HEXA: variants seen among roughly 807,000 people sequenced by gnomAD.
HEXA encodes the protein beta-hexosaminidase subunit alpha.
HEXA carries 54 observed loss-of-function variants against 73.3 expected under a neutral mutation model. That is an observed-to-expected ratio of 0.74 (90% CI 0.59 to 0.92). The LOEUF (loss-of-function observed/expected upper bound fraction) is 0.92, where lower values mean the gene tolerates loss of function less well. Ranked by LOEUF, HEXA falls within the 40% of genes least tolerant of loss-of-function variation. The pLI is 0.00. For missense variants in HEXA, 649 were observed against 653.0 expected, an observed-to-expected ratio of 0.99 and a Z score of 0.07; for synonymous variants, 230 against 246.9, an observed-to-expected ratio of 0.93 and a Z score of 0.64.
intron 1 of HEXA, among the ~76,000 whole-genome samples, chr15:72,374,494 T>C (rs890311879): frequency 3.9e-5 from 6 of 152,196 alleles, no homozygotes; most frequent in African/African-American, 1.4e-4. Context: ...ATTCTATATA[T>C]CAAATGATAA....
At position 72,345,463 on chromosome 15, in the gene HEXA, G is replaced by C. The variant is rs1248458266; in HGVS notation, c.1509C>G (p.Phe503Leu). 1.9e-6 allele frequency: 3 copies of C among 1,614,214 alleles called. No individual in the cohort carries two copies. The highest frequency in any genetic ancestry group is 1.7e-5 in the Admixed American group (1 of 60,012). The change falls in exon 13 of 14, where the codon TTC becomes TTG. Residue 503 changes from phenylalanine to leucine, a missense_variant. Phe to Leu is a conservative substitution (Grantham distance 22). Transcript: ENST00000268097. Reference protein sequence around the residue: ...LTFAYERLSHFRCELLRRGVQ... With the variant: ...LTFAYERLSHLRCELLRRGVQ... ...TTGCTTACCTCAGCAATTCACAGCG[G>C]AAGTGTGACAAACGTTCATAGGCAA... is the stretch of plus-strand genomic sequence containing the variant.
At chr15:72,348,628 C>T (rs1327059314) in intron 8 of HEXA, among the ~76,000 whole-genome samples, 2 of 152,212 alleles carry the variant, frequency 1.3e-5, no homozygotes, top group African/African-American at 2.4e-5. Flanking sequence ...TCAGCTCTAG[C>T]GCCCTCTTCT....
At chr15:72,354,053 G>A (rs1251999553) in intron 3 of HEXA, 5 of 452,216 alleles carry the variant, frequency 1.1e-5, no homozygotes, top group African/African-American at 7.9e-5. Context: ...GAGAAGAGAG[G>A]CCAAGACATA....
chr15:72,362,144 T>A (rs898756747), intron 1 of HEXA, among the ~76,000 whole-genome samples: 6 of 152,126 alleles, frequency 3.9e-5, no homozygotes, highest in Non-Finnish European at 7.3e-5. Flanking sequence ...AAATGCCATA[T>A]TTTCTCCATA....
rs766483588 is a variant in HEXA at position 72,345,524 on chromosome 15, C to T, written c.1448G>A (p.Arg483Lys). 2.5e-6 allele frequency: 4 copies of T among 1,614,122 alleles called. No homozygotes were observed. The African/African-American group carries it at 5.3e-5, about 22-fold the overall frequency. The change falls in exon 13 of 14, where the codon AGG becomes AAG. Residue 483 changes from arginine (R) to lysine (K), a missense_variant. By Grantham distance (26) the Arg-to-Lys change is conservative. Coordinates refer to ENST00000268097, the MANE Select transcript of HEXA (RefSeq NM_000520.6). ...LWPRAGAVAE[R>K]LWSNKLTSDL... ...AGATGTCAACTTGTTGCTCCACAGC[C>T]TTTCGGCAACAGCCCCTGCTCTGGG...
Position 72,348,127 on chromosome 15 carries a change from T to G in HEXA, c.994A>C (p.Asn332His). ...CTCATAAAGTCCTGGATCTCTGGGT[T>G]GGACTTCCTGAATCCCAAGAGAAAA... is the stretch of plus-strand genomic sequence containing the variant. ...DEVDFTCWKS[N>H]PEIQDFMRKK... The change falls in exon 9 of 14, where the codon AAC (asparagine) becomes CAC (histidine). Residue 332 changes from asparagine (N) to histidine (H), a missense_variant. Physicochemically the swap from Asn to His is moderately conservative, Grantham distance 68. Coordinates refer to ENST00000268097, the MANE Select transcript of HEXA (RefSeq NM_000520.6). 1 of 1,609,670 alleles carries G rather than the reference T, an allele frequency of 6.2e-7. No individual in the cohort carries two copies. Among genetic ancestry groups the G allele is most frequent in the Non-Finnish European group, 8.5e-7 (1 of 1,175,896 alleles).
chr15:72,364,702 C>T (rs988039640), intron 1 of HEXA, among the ~76,000 whole-genome samples: 1 of 152,112 alleles, frequency 6.6e-6, no homozygotes, highest in Non-Finnish European at 1.5e-5. Flanking sequence ...GCCCATCTCT[C>T]CACATCTTTC....
At chr15:72,370,115 A>AAC (rs1419412873) in intron 1 of HEXA, 4 of 151,076 alleles carry the variant, frequency 2.6e-5, no homozygotes, top group Admixed American at 2.6e-4. Flanking sequence ...AAAAAAAAAA[A>AAC]AGGAAGTAGC....
rs2140324174 is a variant in HEXA, at chr15:72,350,579, GA to G, written c.743del (p.Leu248ProfsTer27). On this transcript the variant is annotated frameshift_variant, in exon 7 of 14. Transcript: ENST00000268097. LOFTEE classifies it high-confidence loss of function. ...ACTCTGCAAGCACACGGATACCCCG[GA>G]GCCGTGCGTATTCAATGACCTCCTT... is the stretch of plus-strand genomic sequence containing the variant. ...DVKEVIEYAR[L>X]RGIRVLAEFD... The G allele has an allele frequency of 6.2e-7, 1 of 1,614,028 alleles. No individual in the cohort carries two copies. The highest frequency in any genetic ancestry group is 8.5e-7 in the Non-Finnish European group (1 of 1,179,926).
rs1408412935 is a variant in HEXA, at chr15:72,370,837, G to A, written c.253+4883C>T. 12 of 391,158 alleles carry A rather than the reference G, an allele frequency of 3.1e-5. No individual in the cohort carries two copies. The East Asian group carries it at 4.3e-4, about 14-fold the overall frequency. 24.2% of individuals were successfully genotyped at this position (391,158 alleles called of 1,614,324 possible). A position where few individuals can be genotyped will look rare whatever the true frequency, so the allele number is the denominator to read the frequency against. On this transcript the variant is annotated intron_variant, in intron 1 of 13. Coordinates refer to ENST00000268097, the MANE Select transcript of HEXA (RefSeq NM_000520.6). ...TTATTTTGCCCTTCAACTAAAAACT[G>A]TGCTTCTGCCATCACCTTCTTTCTA... is the stretch of plus-strand genomic sequence containing the variant.
intron 1 of HEXA, chr15:72,357,392 A>T (rs183271258): frequency 4.5e-4 from 70 of 154,474 alleles, no homozygotes; most frequent in Non-Finnish European, 8.6e-4. Flanking sequence ...TTTTACCCTA[A>T]TAGTGGAGGG....
At chr15:72,364,904 C>G (rs1416239620) in intron 1 of HEXA, among the ~76,000 whole-genome samples, 1 of 151,154 alleles carries the variant, frequency 6.6e-6, no homozygotes, top group Non-Finnish European at 1.5e-5. Context: ...TCACTGCAGC[C>G]TCAACCTCCT....
chr15:72,347,788 T>C, intron 9 of HEXA, 30 bp from the exon 10 acceptor site: 2 of 1,599,588 alleles, frequency 1.3e-6, no homozygotes, highest in Non-Finnish European at 1.7e-6. Context: ...CTAGTAAGTG[T>C]CTGCTTAGCT....
chr15:72,354,237 T>TA (rs753648050), intron 3 of HEXA: 54 of 162,856 alleles, frequency 3.3e-4, no homozygotes, highest in African/African-American at 1.2e-3. Context: ...ACCTAGAAGA[T>TA]AAAAAAAATC....
intron 1 of HEXA, chr15:72,357,921 C>T (rs2088806807): frequency 6.6e-6 from 1 of 152,206 alleles, no homozygotes; most frequent in Non-Finnish European, 1.5e-5. Context: ...CCAATACCTG[C>T]CTACATTCTG....
rs2088570923 is a variant in HEXA, at chr15:72,343,318, C to T, written c.*759G>A. On this transcript the variant is annotated 3_prime_UTR_variant, in exon 14 of 14. Coordinates refer to ENST00000268097, the MANE Select transcript of HEXA (RefSeq NM_000520.6). Reference sequence around the variant, plus strand: ...GCTGATGCACGAGAATCGCTTGAACCCAGGAGGCAGAGGCTGCAGTGAGCC... The same window carrying T: ...GCTGATGCACGAGAATCGCTTGAACTCAGGAGGCAGAGGCTGCAGTGAGCC... 2 of 152,104 alleles carry T rather than the reference C, an allele frequency of 1.3e-5. No individual in the cohort carries two copies. Among genetic ancestry groups the T allele is most frequent in the Admixed American group, 1.3e-4 (2 of 15,268 alleles). The allele number at this position is 152,104 out of a possible 1,614,324, so 9.4% of individuals were successfully genotyped here. A position where few individuals can be genotyped will look rare whatever the true frequency, so the allele number is the denominator to read the frequency against.
chr15:72,372,348 CAAA>C (rs59888548), intron 1 of HEXA, among the ~76,000 whole-genome samples: 40 of 134,282 alleles, frequency 3.0e-4, no homozygotes, highest in Admixed American at 7.4e-4. Flanking sequence ...GACTCCATCT[CAAA>C]AAAAAAAAAA....
At chr15:72,361,110 C>T (rs2088847626) in intron 1 of HEXA, among the ~76,000 whole-genome samples, 1 of 152,188 alleles carries the variant, frequency 6.6e-6, no homozygotes, top group Non-Finnish European at 1.5e-5. Flanking sequence ...CAGTAATTTA[C>T]TGAATGCTTA....
At chr15:72,360,568 T>C (rs1242102833) in intron 1 of HEXA, 2 of 152,234 alleles carry the variant, frequency 1.3e-5, no homozygotes, top group African/African-American at 4.8e-5. Context: ...TATTTCCCCT[T>C]TTCCCAAAGC....
Sources: gnomAD v4.1 joint callset for allele counts (sites outside exome capture counted in the v4.1 genomes callset) on GRCh38, gnomAD v4.1.1 for gene constraint, MANE v1.5 for transcripts, NCBI Gene and HGNC (gene_info 2026-07-23, HGNC 2026-07-21) for gene names.